NBPF12: variants seen among roughly 807,000 people sequenced by gnomAD.
The protein encoded by NBPF12 is NBPF member 12.
Under a neutral mutation model 146.4 loss-of-function variants are expected in NBPF12, and 115 were observed. The ratio of observed to expected loss-of-function variants is 0.79; its 90% confidence interval spans 0.68 to 0.92. The LOEUF (loss-of-function observed/expected upper bound fraction) is 0.92. NBPF12 is among the 40% of genes least tolerant of loss of function. NBPF12 has a pLI of 0.00. For missense variants in NBPF12, 1,205 were observed against 1,326.8 expected (o/e 0.91, Z 1.43); for synonymous variants, 385 against 508.9 (o/e 0.76, Z 3.28).
intron 21 of NBPF12, among the ~76,000 whole-genome samples, chr1:146,984,466 G>C (rs1186273296): frequency 2.7e-5 from 4 of 150,070 alleles, no homozygotes; most frequent in Non-Finnish European, 4.4e-5. Context: ...CAAAATTATT[G>C]AGGCCATGCT....
chr1:146,954,637 A>G (rs1655482197), intron 2 of NBPF12, among the ~76,000 whole-genome samples: 2 of 150,322 alleles, frequency 1.3e-5, no homozygotes, highest in East Asian at 3.9e-4. Context: ...AGCTGATTCT[A>G]CCATTTATAT....
exon 5 of NBPF12, chr1:146,962,241 C>G: frequency 5.6e-6 from 9 of 1,605,810 alleles, no homozygotes; most frequent in Non-Finnish European, 7.6e-6. Flanking sequence ...TGCAGAGCAG[C>G]TGAAACAAGC....
intron 7 of NBPF12, 34 bp from the exon 11 acceptor site, chr1:146,964,859 T>A (rs1453058379): frequency 1.2e-5 from 19 of 1,545,368 alleles, no homozygotes; most frequent in Non-Finnish European, 1.5e-5. Context: ...CTGTGTTTAA[T>A]CTTCTGTCAT....
At chr1:146,964,101 CA>C (rs1656035954) in intron 6 of NBPF12, among the ~76,000 whole-genome samples, 1 of 137,328 alleles carries the variant, frequency 7.3e-6, no homozygotes, top group Admixed American at 7.5e-5. Context: ...AGAGGCTGCA[CA>C]AGCCTTCAGT....
chr1:146,992,462 C>CTCTCTGTGTGTG (rs1450490306), intron 31 of NBPF12, among the ~76,000 whole-genome samples: 2 of 66,270 alleles, frequency 3.0e-5, no homozygotes, highest in African/African-American at 1.4e-4. Flanking sequence ...CTCTCTCTCT[C>CTCTCTGTGTGTG]TGTGTGTGTG....
Position 146,963,325 on chromosome 1 carries a change from G to A in NBPF12, c.493+16G>A. 1 of 1,611,600 alleles carries A rather than the reference G, an allele frequency of 6.2e-7. No homozygotes were observed. The highest frequency in any genetic ancestry group is 8.5e-7 in the Non-Finnish European group (1 of 1,179,798). ...CTCAGCCCAGGTAAGGTGGCCATAG[G>A]CCCTGATGACCCAAAACCCCAGGCT... On this transcript the variant is annotated intron_variant, in intron 6 of 33. Coordinates refer to ENST00000617844, the Ensembl canonical transcript of NBPF12.
At chr1:146,972,020 G>A (rs1398033182) in intron 13 of NBPF12, among the ~76,000 whole-genome samples, 2 of 149,418 alleles carry the variant, frequency 1.3e-5, no homozygotes, top group African/African-American at 5.1e-5. Flanking sequence ...CCCAGGAACC[G>A]GATCTTGCAG....
At chr1:146,946,644 C>T (rs1162009092), upstream of NBPF12, among the ~76,000 whole-genome samples, 1 of 141,658 alleles carries the variant, frequency 7.1e-6, no homozygotes, top group African/African-American at 2.6e-5. Context: ...TTGCTTTTTC[C>T]ATTCTCTTAA....
chr1:146,965,740 C>T (rs1480334321), intron 8 of NBPF12, among the ~76,000 whole-genome samples: 4 of 127,428 alleles, frequency 3.1e-5, no homozygotes, highest in Non-Finnish European at 4.7e-5. Context: ...TGCAGTGAGC[C>T]GAGATTGTGG....
At chr1:146,971,136 C>T in intron 12 of NBPF12, 47 bp from the exon 16 acceptor site, 1 of 1,609,606 alleles carries the variant, frequency 6.2e-7, no homozygotes, top group Non-Finnish European at 8.5e-7. Flanking sequence ...GGGTCCAATC[C>T]CTCTGTGTTT....
chr1:146,965,061 A>G (rs1656101636), exon 8 of NBPF12: 6 of 1,606,974 alleles, frequency 3.7e-6, no homozygotes, highest in Non-Finnish European at 5.1e-6. Context: ...TAGACAGAAA[A>G]TCCTCTCATG....
exon 5 of NBPF12, chr1:146,962,235 G>C: frequency 1.2e-6 from 2 of 1,606,930 alleles, no homozygotes; most frequent in Non-Finnish European, 1.7e-6. Flanking sequence ...GAAGCTTGCA[G>C]AGCAGCTGAA....
intron 9 of NBPF12, 49 bp downstream of exon 12, chr1:146,966,722 C>A (rs1656236503): frequency 1.9e-6 from 2 of 1,053,578 alleles, no homozygotes; most frequent in African/African-American, 1.6e-5. Context: ...AACGTCCTGT[C>A]TTCTCTCTGA....
At chr1:146,963,341 A>C in intron 6 of NBPF12, 32 bp downstream of exon 9, 1 of 1,609,538 alleles carries the variant, frequency 6.2e-7, no homozygotes, top group Non-Finnish European at 8.5e-7. Flanking sequence ...ATGACCCAAA[A>C]CCCCAGGCTT....
chr1:146,976,843 G>A (rs1338359135), intron 16 of NBPF12, 86 bp from the exon 20 acceptor site: 2 of 554,876 alleles, frequency 3.6e-6, no homozygotes, highest in Admixed American at 2.9e-5. Flanking sequence ...ATGCCTAGAT[G>A]TTCATGTCCC....
At chr1:146,992,478 G>GTGTT (rs1658253792) in intron 31 of NBPF12, among the ~76,000 whole-genome samples, 1 of 112,828 alleles carries the variant, frequency 8.9e-6, no homozygotes, top group Non-Finnish European at 1.8e-5. Flanking sequence ...GTGTGTGTGT[G>GTGTT]TGTGTGTGTG....
At chr1:146,969,011 G>A (rs1444356308) in intron 10 of NBPF12, among the ~76,000 whole-genome samples, 1 of 151,374 alleles carries the variant, frequency 6.6e-6, no homozygotes, top group Non-Finnish European at 1.5e-5. Flanking sequence ...CCTCATTTCT[G>A]TACATGGCTT....
upstream of NBPF12, among the ~76,000 whole-genome samples, chr1:146,946,694 G>C (rs1655091486): frequency 6.8e-6 from 1 of 147,928 alleles, no homozygotes; most frequent in East Asian, 2.0e-4. Flanking sequence ...ATTTTAATGA[G>C]GCTCAACTTA....
At chr1:146,984,703 C>A in intron 21 of NBPF12, 110 bp from the exon 25 acceptor site, 1 of 772,804 alleles carries the variant, frequency 1.3e-6, no homozygotes, top group Non-Finnish European at 2.3e-6. Context: ...ATTAATGGAT[C>A]TGTCCTTTTT....
Sources: allele counts gnomAD v4.1 joint callset (sites outside exome capture counted in the v4.1 genomes callset), GRCh38; gene constraint gnomAD v4.1.1; transcripts MANE v1.5; gene names NCBI Gene and HGNC (gene_info 2026-07-23, HGNC 2026-07-21).